PXDN: variants seen among roughly 807,000 people sequenced by gnomAD.
PXDN encodes the protein peroxidasin homolog.
In PXDN, 77 loss-of-function variants were observed where a neutral mutation model predicts 140.3. That is an observed-to-expected ratio of 0.55 (90% CI 0.46 to 0.66). The LOEUF (loss-of-function observed/expected upper bound fraction) is 0.66, where lower values mean the gene tolerates loss of function less well. Ranked by LOEUF, PXDN falls within the 30% of genes least tolerant of loss-of-function variation. The pLI is 0.00. For synonymous variants in PXDN, 911 were observed against 857.4 expected, an observed-to-expected ratio of 1.06 and a Z score of -1.09; for missense variants, 1,838 against 2,039.5, an observed-to-expected ratio of 0.90 and a Z score of 1.90.
rs372395551 is a variant in PXDN, at chr2:1,644,706, C to T, written c.3655G>A (p.Val1219Met). 1.3e-6 allele frequency: 2 copies of T among 1,599,726 alleles called. No homozygotes were observed. Among genetic ancestry groups the T allele is most frequent in the South Asian group, 2.2e-5 (2 of 88,956 alleles). Residue 1219 changes from valine (V) to methionine (M), a missense_variant, in exon 18 of 23, where the codon GTG (valine) becomes ATG (methionine). Physicochemically the swap from Val to Met is conservative, Grantham distance 21. Coordinates refer to ENST00000252804, the MANE Select transcript of PXDN (RefSeq NM_012293.3). ...CGGCTGCCAGGCACCAGGTCCTCCA[C>T]CACGAGCGCCGGAAACAGGTCGATG... is the stretch of plus-strand genomic sequence containing the variant. ...LNIDLFPALV[V>M]EDLVPGSRLG...
intron 1 of PXDN, among the ~76,000 whole-genome samples, chr2:1,721,699 C>T (rs1231122057): frequency 2.6e-5 from 4 of 152,210 alleles, no homozygotes; most frequent in East Asian, 1.9e-4. Context: ...TGGTGGCGAG[C>T]GCCTGTAGTC....
At chr2:1,734,065 T>C (rs1247663340) in intron 1 of PXDN, among the ~76,000 whole-genome samples, 3 of 152,188 alleles carry the variant, frequency 2.0e-5, no homozygotes, top group Non-Finnish European at 4.4e-5. Flanking sequence ...GTGGAGTTTA[T>C]AACATATGTA....
intron 19 of PXDN, 137 bp downstream of exon 19, chr2:1,643,231 C>A (rs141530000): frequency 2.1e-6 from 2 of 952,756 alleles, no homozygotes; most frequent in South Asian, 3.4e-5. Flanking sequence ...GGATACAGCA[C>A]GATTTAAATC....
chr2:1,680,964 G>A (rs898568529), intron 6 of PXDN, among the ~76,000 whole-genome samples: 3 of 152,200 alleles, frequency 2.0e-5, no homozygotes, highest in African/African-American at 2.4e-5. Flanking sequence ...AGGGGAACAC[G>A]GGCAGGATGT....
At chr2:1,702,024 C>T (rs12479149) in intron 1 of PXDN, among the ~76,000 whole-genome samples, 26,176 of 152,096 alleles carry the variant, frequency 0.17, 2,660 homozygotes, top group East Asian at 0.35. Flanking sequence ...CCGCCTATGG[C>T]TCCTCAGAGA....
intron 1 of PXDN, among the ~76,000 whole-genome samples, chr2:1,736,708 C>T (rs1572205293): frequency 6.6e-6 from 1 of 151,888 alleles, no homozygotes; most frequent in South Asian, 2.1e-4. Flanking sequence ...CATGGGGGCA[C>T]GTGCCTATAG....
Position 1,691,999 on chromosome 2 carries a change from C to T in PXDN, c.273G>A (p.Leu91=), listed in dbSNP as rs200915485. The change falls in exon 3 of 23, where the codon TTG becomes TTA. Residue 91 remains leucine, a splice_region_variant and synonymous_variant. Coordinates refer to ENST00000252804, the MANE Select transcript of PXDN (RefSeq NM_012293.3). ...AFRRLRNLNT[L]LLNNNQIKRI... ...TCTTGATCTGATTATTATTGAGAAG[C>T]CTATGAAAGAGAGTCGATAAGAATT... 6.0e-4 allele frequency: 902 copies of T among 1,515,880 alleles called. 5 individuals are homozygous for T. Among genetic ancestry groups the T allele is most frequent in the Middle Eastern group, 3.9e-3 (23 of 5,894 alleles). The allele number at this position is 1,515,880 out of a possible 1,614,324, so 93.9% of individuals were successfully genotyped here. A position where few individuals can be genotyped will look rare whatever the true frequency, so the allele number is the denominator to read the frequency against.
intron 18 of PXDN, among the ~76,000 whole-genome samples, chr2:1,644,137 G>A (rs1000704887): frequency 1.4e-5 from 2 of 139,722 alleles, no homozygotes; most frequent in African/African-American, 2.7e-5. Context: ...CAACAAAGAC[G>A]ATGGGCAACT....
Position 1,648,706 on chromosome 2 carries a change from T to C in PXDN, c.3074A>G (p.Glu1025Gly). The change falls in exon 17 of 23, where the codon GAG (glutamate) becomes GGG (glycine). Residue 1025 changes from glutamate to glycine, a missense_variant. Glu to Gly is a moderately conservative substitution (Grantham distance 98). Coordinates refer to ENST00000252804, the MANE Select transcript of PXDN (RefSeq NM_012293.3). The surrounding 1 kb of genome is among the most constrained non-coding windows in gnomAD (Gnocchi z 8.9). ...GTGCTGGTAGGTGATGTGCTGGATC[T>C]CCGCACCCACGATCTTCCTGGTCTC... ...YYETRKIVGAEIQHITYQHWL... is the reference protein window; with the variant it reads ...YYETRKIVGAGIQHITYQHWL... 1 of 1,605,972 alleles carries C rather than the reference T, an allele frequency of 6.2e-7. No homozygotes were observed. The highest frequency in any genetic ancestry group is 8.5e-7 in the Non-Finnish European group (1 of 1,176,700).
At chr2:1,643,776 A>G (rs760138358) in intron 18 of PXDN, among the ~76,000 whole-genome samples, 200 bp from the exon 19 acceptor site, 13 of 152,170 alleles carry the variant, frequency 8.5e-5, no homozygotes, top group African/African-American at 1.2e-4. Context: ...AATCTGGTGT[A>G]AAAATGACAG....
At chr2:1,681,741 C>T (rs1318149191) in intron 6 of PXDN, among the ~76,000 whole-genome samples, 1 of 152,208 alleles carries the variant, frequency 6.6e-6, no homozygotes, top group Non-Finnish European at 1.5e-5. Flanking sequence ...CCAGGGCACC[C>T]AACCTGTGCC....
At chr2:1,645,344 A>G (rs1313549658) in intron 17 of PXDN, among the ~76,000 whole-genome samples, 1 of 152,240 alleles carries the variant, frequency 6.6e-6, no homozygotes, top group Non-Finnish European at 1.5e-5. Flanking sequence ...CTTATAAGCA[A>G]CATGTCACAA....
intron 1 of PXDN, among the ~76,000 whole-genome samples, chr2:1,732,100 A>G (rs756283810): frequency 5.3e-5 from 8 of 152,186 alleles, no homozygotes; most frequent in Non-Finnish European, 1.0e-4. Flanking sequence ...AAAAACTGAC[A>G]AAATATATGA....
intron 1 of PXDN, among the ~76,000 whole-genome samples, chr2:1,704,786 G>C (rs558712945): frequency 6.6e-6 from 1 of 152,136 alleles, no homozygotes; most frequent in African/African-American, 2.4e-5. Context: ...TGCATGTCTC[G>C]GTGAGCAGAG....
intron 1 of PXDN, among the ~76,000 whole-genome samples, chr2:1,720,323 T>TGCAGAGAGAGAGAGAG (rs1685008869): frequency 4.7e-5 from 1 of 21,154 alleles, no homozygotes; most frequent in Non-Finnish European, 9.0e-5. Flanking sequence ...GAGAGAGAGA[T>TGCAGAGAGAGAGAGAG]GCACAGAGAG....
chr2:1,673,011 C>T (rs1683612641), intron 9 of PXDN, among the ~76,000 whole-genome samples: 2 of 152,134 alleles, frequency 1.3e-5, no homozygotes, highest in Non-Finnish European at 2.9e-5. Context: ...GGTGGGTACA[C>T]CCAATGCCTC....
At chr2:1,722,092 G>A (rs1288178099) in intron 1 of PXDN, among the ~76,000 whole-genome samples, 1 of 152,214 alleles carries the variant, frequency 6.6e-6, no homozygotes, top group Non-Finnish European at 1.5e-5. Flanking sequence ...AGAGTTAAGC[G>A]AGAAATAATG....
chr2:1,718,528 GCTACT>G, intron 1 of PXDN, among the ~76,000 whole-genome samples: 1 of 151,248 alleles, frequency 6.6e-6, no homozygotes, highest in African/African-American at 2.4e-5. Context: ...ACTACCCGAA[GCTACT>G]CTACTAACTT....
chr2:1,652,446 G>A (rs983878735), intron 16 of PXDN, among the ~76,000 whole-genome samples: 1 of 151,884 alleles, frequency 6.6e-6, no homozygotes, highest in Non-Finnish European at 1.5e-5. Context: ...CAAGCAGAAA[G>A]TGCCCAATAA....
Sources: gnomAD v4.1 joint callset for allele counts (sites outside exome capture counted in the v4.1 genomes callset) on GRCh38, gnomAD v4.1.1 for gene constraint, Gnocchi (gnomAD v3.1) non-coding constraint, MANE v1.5 for transcripts, NCBI Gene and HGNC (gene_info 2026-07-23, HGNC 2026-07-21) for gene names.